Variants in MED14 observed in about 807,000 individuals in gnomAD.
MED14 encodes mediator complex subunit 14, also known as mediator of RNA polymerase II transcription subunit 14.
MED14 carries 8 observed loss-of-function variants against 109.0 expected under a neutral mutation model. The ratio of observed to expected loss-of-function variants is 0.07; its 90% CI spans 0.04 to 0.13. The LOEUF is 0.13. Among genes scored for constraint, MED14 ranks in the 10% least tolerant of loss-of-function variants. The pLI is 1.00. For synonymous variants in MED14, 399 were observed against 408.7 expected (o/e 0.98, Z 0.29); for missense variants, 711 against 1,142.4 (o/e 0.62, Z 5.44).
In MED14 at chrX:40,714,520, G is replaced by C. The variant is rs765761074; in HGVS notation, c.522+17C>G. The C allele has an allele frequency of 2.2e-4, 266 of 1,203,201 alleles. 1 individual carries two copies. In the South Asian group the frequency reaches 2.9e-3, roughly 13 times the overall value. On this transcript the variant is annotated intron_variant, in intron 4 of 30. Transcript: ENST00000324817. The stretch of plus-strand genomic sequence containing the variant: ...ACCTTTAGTTTTTAGGAACATGGGG[G>C]CAAGCAAAGAACTTACCCTAATGCA...
intron 3 of MED14, among the ~76,000 whole-genome samples, chrX:40,725,731 A>G (rs941392833): frequency 8.9e-6 from 1 of 111,807 alleles, no homozygotes; most frequent in Non-Finnish European, 1.9e-5. Context: ...TATCATGCTG[A>G]ATGGAGAAAA....
intron 5 of MED14, among the ~76,000 whole-genome samples, 189 bp downstream of exon 5, chrX:40,713,589 C>T (rs984214018): frequency 9.0e-6 from 1 of 111,431 alleles, no homozygotes; most frequent in Admixed American, 9.5e-5. Flanking sequence ...ATTACAGGTG[C>T]GGGCCACCGC....
chrX:40,711,152 G>C lies in MED14; in HGVS notation c.1022+17C>G, dbSNP rs1365856799. 3 of 1,207,008 alleles carry C rather than the reference G, an allele frequency of 2.5e-6. No homozygotes were observed. The highest frequency in any genetic ancestry group is 4.4e-5 in the Admixed American group (2 of 45,474). On this transcript the variant is annotated intron_variant, in intron 8 of 30. Transcript: ENST00000324817. The stretch of plus-strand genomic sequence containing the variant: ...TTACAGTCATAGCACGAACCCACCA[G>C]AACTGATTTTACTTACTTCCAAACT...
rs895068340 is a variant in MED14, at chrX:40,681,280, G to T, written c.2458-370C>A. On this transcript the variant is annotated intron_variant, in intron 19 of 30. Transcript: ENST00000324817. Reference sequence around the variant, plus strand: ...CATAAAGGGGAAGGGCGCCACTCTGGACACAGATACACTTGGTTAACAGAT... The same window carrying T: ...CATAAAGGGGAAGGGCGCCACTCTGTACACAGATACACTTGGTTAACAGAT... Among the ~76,000 whole-genome samples the T allele has an allele frequency of 2.7e-5, 3 of 111,796 alleles. No individual in the cohort carries two copies. The Admixed American group carries it at 2.8e-4, about 11-fold the overall frequency.
chrX:40,725,904 AGAT>A (rs1000691375), intron 3 of MED14, among the ~76,000 whole-genome samples: 1 of 111,992 alleles, frequency 8.9e-6, no homozygotes, highest in African/African-American at 3.2e-5. Flanking sequence ...CCTTGTTTGC[AGAT>A]GATATGATCT....
chrX:40,694,358 T>C (rs1011198278), intron 13 of MED14, among the ~76,000 whole-genome samples: 9 of 111,742 alleles, frequency 8.1e-5, no homozygotes, highest in Non-Finnish European at 1.3e-4. Context: ...TTCCAAGGTC[T>C]AGCTAAAATT....
intron 3 of MED14, among the ~76,000 whole-genome samples, chrX:40,726,208 T>TC (rs1931889026): frequency 9.0e-6 from 1 of 111,383 alleles, no homozygotes; most frequent in African/African-American, 3.3e-5. Context: ...AGGCAGGGAC[T>TC]ATTCCTTATT....
At chrX:40,713,415 T>A (rs1294343235) in intron 5 of MED14, among the ~76,000 whole-genome samples, 1 of 112,152 alleles carries the variant, frequency 8.9e-6, no homozygotes, top group Admixed American at 9.4e-5. Flanking sequence ...ATCTTCATGA[T>A]GCTATTTTTC....
At chrX:40,718,245 C>G (rs1025084900) in intron 3 of MED14, among the ~76,000 whole-genome samples, 6 of 112,183 alleles carry the variant, frequency 5.3e-5, no homozygotes, top group African/African-American at 1.9e-4. Context: ...CATGACACTG[C>G]TAATACATTC....
chrX:40,703,216 A>C (rs754599026), intron 11 of MED14, among the ~76,000 whole-genome samples: 45 of 112,306 alleles, frequency 4.0e-4, no homozygotes, highest in African/African-American at 1.4e-3. Flanking sequence ...TTGCATAAGG[A>C]AACACGAATG....
intron 3 of MED14, among the ~76,000 whole-genome samples, chrX:40,717,391 A>C (rs1602489511): frequency 9.0e-6 from 1 of 111,538 alleles, no homozygotes; most frequent in Middle Eastern, 4.6e-3. Flanking sequence ...CCAATACAGA[A>C]ATCCTTTCCA....
At chrX:40,711,375 G>T in intron 7 of MED14, 74 bp from the exon 8 acceptor site, 3 of 866,179 alleles carry the variant, frequency 3.5e-6, no homozygotes, top group Non-Finnish European at 4.7e-6. Flanking sequence ...TTCATTTAAG[G>T]AAGGTTCTCT....
intron 6 of MED14, among the ~76,000 whole-genome samples, chrX:40,712,605 T>C (rs751207767): frequency 6.3e-5 from 7 of 111,495 alleles, no homozygotes; most frequent in African/African-American, 2.0e-4. Flanking sequence ...TCATGGCTCA[T>C]TGCAGCCTCA....
intron 3 of MED14, chrX:40,726,374 GA>G (rs549414993): frequency 0.06 from 5,081 of 84,935 alleles, 88 homozygotes; most frequent in Middle Eastern, 0.077. Context: ...TGTAAAACTG[GA>G]AAAAAAAAAA....
chrX:40,674,152 T>A (rs192874298), intron 22 of MED14, among the ~76,000 whole-genome samples: 2 of 111,567 alleles, frequency 1.8e-5, no homozygotes, highest in Admixed American at 1.9e-4. Flanking sequence ...TTCAAAGGGC[T>A]AGTATCTCAT....
intron 20 of MED14, 60 bp downstream of exon 20, chrX:40,680,697 TG>T (rs2059027014): frequency 9.8e-7 from 1 of 1,018,718 alleles, no homozygotes; most frequent in African/African-American, 1.9e-5. Context: ...GGATTACAGG[TG>T]TGAACCAGCA....
chrX:40,668,121 G>A (rs1929573674), intron 23 of MED14, among the ~76,000 whole-genome samples: 2 of 111,738 alleles, frequency 1.8e-5, no homozygotes, highest in Non-Finnish European at 3.8e-5. Context: ...GGTGGCTCAC[G>A]CCTGTAATCC....
intron 3 of MED14, chrX:40,726,505 C>A: frequency 3.8e-6 from 1 of 260,707 alleles, no homozygotes; most frequent in East Asian, 6.2e-5. Flanking sequence ...CCTTTAGTTC[C>A]AGTCTCATAT....
At chrX:40,688,154 T>A (rs1041477605) in intron 16 of MED14, among the ~76,000 whole-genome samples, 5 of 111,061 alleles carry the variant, frequency 4.5e-5, no homozygotes, top group African/African-American at 1.6e-4. Flanking sequence ...GAGGCAGAGG[T>A]TGGGAGGCTG....
Sources: gnomAD v4.1 joint callset for allele counts (sites outside exome capture counted in the v4.1 genomes callset) on GRCh38, gnomAD v4.1.1 for gene constraint, MANE v1.5 for transcripts, NCBI Gene and HGNC (gene_info 2026-07-23, HGNC 2026-07-21) for gene names.